HSPA12A: variants seen among roughly 807,000 people sequenced by gnomAD.
HSPA12A encodes the protein heat shock 70 kDa protein 12A.
HSPA12A carries 28 observed loss-of-function variants against 69.2 expected under a neutral mutation model. The observed-to-expected ratio is 0.40, with a 90% CI of 0.30 to 0.55. HSPA12A has a LOEUF of 0.55. Ranked by LOEUF, HSPA12A falls within the 20% of genes least tolerant of loss-of-function variation. The pLI, the probability that HSPA12A is intolerant of heterozygous loss-of-function variation, is 0.38. For missense variants in HSPA12A, 686 were observed against 900.7 expected (o/e 0.76, Z 3.05); for synonymous variants, 345 against 370.5 (o/e 0.93, Z 0.79).
At chr10:116,718,980 G>A (rs1850692292) in intron 1 of HSPA12A, among the ~76,000 whole-genome samples, 2 of 152,074 alleles carry the variant, frequency 1.3e-5, no homozygotes, top group African/African-American at 4.8e-5. Flanking sequence ...GGGTGTTGTA[G>A]AGGCTGAGTA....
chr10:116,796,913 C>A (rs762134528), intron 2 of HSPA12A, among the ~76,000 whole-genome samples: 3 of 152,118 alleles, frequency 2.0e-5, no homozygotes, highest in Non-Finnish European at 4.4e-5. Context: ...ATCATTTTTC[C>A]GCCCACTTCA....
In HSPA12A at chr10:116,674,766, A is replaced by C. The variant is rs1554877279; in HGVS notation, c.*15T>G. ...ATAAGTTGAGTCCAAGGGGACAGGC[A>C]GCGGGGCGGGAGGGTTAGTAATTTA... On this transcript the variant is annotated 3_prime_UTR_variant, in exon 12 of 12. Coordinates refer to ENST00000369209, the MANE Select transcript of HSPA12A (RefSeq NM_025015.3). 6.3e-7 allele frequency: 1 copy of C among 1,592,810 alleles called. No homozygotes were observed. The highest frequency in any genetic ancestry group is 8.6e-7 in the Non-Finnish European group (1 of 1,169,274).
At chr10:116,816,227 A>C (rs76397376) in intron 2 of HSPA12A, among the ~76,000 whole-genome samples, 1,634 of 152,294 alleles carry the variant, frequency 0.011, 23 homozygotes, top group African/African-American at 0.034. Context: ...AGCTCCAAAT[A>C]AGCCATTCTT....
At position 116,710,556 on chromosome 10, in the gene HSPA12A, G is replaced by A. The variant is rs920659014; in HGVS notation, c.41-3271C>T. 3.9e-5 allele frequency among the ~76,000 whole-genome samples: 6 copies of A among 152,196 alleles called. No individual in the cohort carries two copies. Among genetic ancestry groups the A allele is most frequent in the Non-Finnish European group, 8.8e-5 (6 of 68,020 alleles). ...CTGCTGTACCTCCCTTCAACCCCAC[G>A]GCAACTGGGCCAATATTAAACAAAT... On this transcript the variant is annotated intron_variant, in intron 1 of 11. Transcript: ENST00000369209. This position sits in a 1 kb window ranked among gnomAD's most constrained non-coding sequence, Gnocchi z 4.1.
chr10:116,726,424 C>T (rs1867988), intron 1 of HSPA12A, among the ~76,000 whole-genome samples: 54,441 of 151,626 alleles, frequency 0.36, 11,498 homozygotes, highest in African/African-American at 0.58. Context: ...GAGTTATATA[C>T]GCACATTCCC....
At chr10:116,839,727 T>A (rs982760346) in intron 1 of HSPA12A, among the ~76,000 whole-genome samples, 2 of 151,666 alleles carry the variant, frequency 1.3e-5, no homozygotes, top group Non-Finnish European at 2.9e-5. Flanking sequence ...AAGGTGAGTC[T>A]ATCATAAACA....
At chr10:116,718,768 C>A (rs551258584) in intron 1 of HSPA12A, among the ~76,000 whole-genome samples, 1 of 151,962 alleles carries the variant, frequency 6.6e-6, no homozygotes, top group East Asian at 1.9e-4. Context: ...CAAAAAGTAG[C>A]CATGGCACTT....
intron 2 of HSPA12A, among the ~76,000 whole-genome samples, chr10:116,795,198 C>T (rs1048705404): frequency 3.3e-5 from 5 of 152,132 alleles, no homozygotes; most frequent in African/African-American, 1.2e-4. Context: ...AAGGAAAGGT[C>T]CCTTCCATTC....
At chr10:116,700,512 G>A (rs1424818745) in intron 4 of HSPA12A, among the ~76,000 whole-genome samples, 2 of 152,122 alleles carry the variant, frequency 1.3e-5, no homozygotes, top group Non-Finnish European at 2.9e-5. Context: ...ATCCAAACTG[G>A]TTAGTTAAGA....
intron 6 of HSPA12A, among the ~76,000 whole-genome samples, chr10:116,687,970 A>G (rs1849623960): frequency 6.6e-6 from 1 of 152,176 alleles, no homozygotes; most frequent in African/African-American, 2.4e-5. Context: ...AAACTTTCTT[A>G]AAACATGATG....
chr10:116,826,496 C>T lies in HSPA12A; in HGVS notation c.91+8439G>A, dbSNP rs371207457. ...TGAGAGTCTGAGCCATCTACAGATG[C>T]GTGAGTGTCACCGCCCCTGCCTGCA... On this transcript the variant is annotated intron_variant, in intron 2 of 12. Transcript: ENST00000635765. Among the ~76,000 whole-genome samples the T allele has an allele frequency of 5.3e-5, 8 of 152,282 alleles. No homozygotes were observed. In the South Asian group the frequency reaches 1.0e-3, roughly 20 times the overall value.
At chr10:116,707,151 GCGCACACACACACA>G (rs782567242) in intron 2 of HSPA12A, 35 bp downstream of exon 2, 13,623 of 1,018,688 alleles carry the variant, frequency 0.013, 201 homozygotes, top group Non-Finnish European at 0.014. Context: ...GCACCCATGC[GCGCACACACACACA>G]CACACACACA....
At chr10:116,706,222 CT>C (rs1289430657) in intron 2 of HSPA12A, among the ~76,000 whole-genome samples, 13 of 148,394 alleles carry the variant, frequency 8.8e-5, no homozygotes, top group Admixed American at 2.0e-4. Context: ...GCAGTTTACA[CT>C]TTTTTTTTAA....
intron 2 of HSPA12A, among the ~76,000 whole-genome samples, chr10:116,779,494 C>G (rs529659783): frequency 6.6e-6 from 1 of 152,294 alleles, no homozygotes; most frequent in East Asian, 1.9e-4. Flanking sequence ...GTGACTCTGC[C>G]TGATGAGACA....
intron 5 of HSPA12A, among the ~76,000 whole-genome samples, chr10:116,696,002 CAAAAAAAAAAA>C (rs71013609): frequency 6.1e-5 from 2 of 32,714 alleles, no homozygotes; most frequent in Admixed American, 4.2e-4. Flanking sequence ...GACTCCATCT[CAAAAAAAAAAA>C]AAAAAAAAAA....
At chr10:116,706,688 GC>G (rs1850263516) in intron 2 of HSPA12A, among the ~76,000 whole-genome samples, 1 of 152,126 alleles carries the variant, frequency 6.6e-6, no homozygotes, top group African/African-American at 2.4e-5. Flanking sequence ...GGGAGCAACA[GC>G]CCCATCTCTA....
chr10:116,685,161 A>G (rs2921963), intron 6 of HSPA12A, among the ~76,000 whole-genome samples: 150,276 of 152,208 alleles, frequency 0.99, 74,205 homozygotes, highest in South Asian at 1. Flanking sequence ...GGAAGGCCTC[A>G]AGTTCTGTAT....
intron 2 of HSPA12A, among the ~76,000 whole-genome samples, chr10:116,775,177 T>C (rs1220816297): frequency 6.6e-6 from 1 of 152,242 alleles, no homozygotes; most frequent in Non-Finnish European, 1.5e-5. Flanking sequence ...ACTAAGAACG[T>C]GCGAGTTCCT....
At chr10:116,707,322 C>G (rs782523193) in intron 1 of HSPA12A, 37 bp from the exon 2 acceptor site, 4 of 1,507,646 alleles carry the variant, frequency 2.7e-6, no homozygotes, top group Middle Eastern at 1.9e-4. Context: ...TTAGAAGTGG[C>G]ATGGACTGAC....
Sources: allele counts gnomAD v4.1 joint callset (sites outside exome capture counted in the v4.1 genomes callset), GRCh38; gene constraint gnomAD v4.1.1; non-coding constraint Gnocchi (gnomAD v3.1); transcripts MANE v1.5; gene names NCBI Gene and HGNC (gene_info 2026-07-23, HGNC 2026-07-21).